Variants in MAP2K4 observed in about 807,000 individuals in gnomAD.
MAP2K4 encodes the protein dual specificity mitogen-activated protein kinase kinase 4.
Under a neutral mutation model 48.5 loss-of-function variants are expected in MAP2K4, and 4 were observed. That is an observed-to-expected ratio of 0.08 (90% CI 0.04 to 0.19). The LOEUF is 0.19. MAP2K4 is among the 10% of genes least tolerant of loss of function. The pLI is 1.00. For synonymous variants in MAP2K4, 166 were observed against 173.1 expected, an observed-to-expected ratio of 0.96 and a Z score of 0.32; for missense variants, 258 against 493.3, an observed-to-expected ratio of 0.52 and a Z score of 4.52.
rs1226887500 is a variant in MAP2K4, at chr17:12,142,721, G to C, written c.*1461G>C. The C allele has an allele frequency of 4.3e-6, 1 of 232,950 alleles. No individual in the cohort carries two copies. Among genetic ancestry groups the C allele is most frequent in the African/African-American group, 2.2e-5 (1 of 45,330 alleles). 14.4% of individuals were successfully genotyped at this position (232,950 alleles called of 1,614,324 possible). A position where few individuals can be genotyped will look rare whatever the true frequency, so the allele number is the denominator to read the frequency against. On this transcript the variant is annotated 3_prime_UTR_variant, in exon 11 of 11. Coordinates refer to ENST00000353533, the MANE Select transcript of MAP2K4 (RefSeq NM_003010.4). ...AAAGCAAAACAAAACCCTCAGCACTGTTACAAGAGGCCATTTAAGTATCTT... is the reference window on the plus strand; with the variant it reads ...AAAGCAAAACAAAACCCTCAGCACTCTTACAAGAGGCCATTTAAGTATCTT...
intron 1 of MAP2K4, among the ~76,000 whole-genome samples, chr17:12,029,915 C>G (rs919143824): frequency 4.1e-5 from 6 of 148,084 alleles, no homozygotes; most frequent in Non-Finnish European, 7.4e-5. Context: ...GACCCTGTCT[C>G]TAAAAAAAAA....
chr17:12,023,863 C>T (rs1969171517), intron 1 of MAP2K4, among the ~76,000 whole-genome samples: 1 of 152,174 alleles, frequency 6.6e-6, no homozygotes, highest in South Asian at 2.1e-4. Context: ...TAACGCTTAC[C>T]TCCCCGGTGG....
chr17:12,115,883 A>G (rs1431291319), intron 7 of MAP2K4: 3 of 636,332 alleles, frequency 4.7e-6, no homozygotes, highest in East Asian at 6.8e-5. Flanking sequence ...TGGACTGTGT[A>G]TTGGACCTCC....
chr17:12,060,750 C>T (rs79122396), intron 2 of MAP2K4, among the ~76,000 whole-genome samples: 25,442 of 151,236 alleles, frequency 0.17, 2,486 homozygotes, highest in South Asian at 0.3. Context: ...TGTGTGTGCG[C>T]GCGTGTGTGT....
chr17:12,061,028 C>CT (rs1323450235), intron 2 of MAP2K4, among the ~76,000 whole-genome samples: 12 of 152,082 alleles, frequency 7.9e-5, no homozygotes, highest in African/African-American at 2.9e-4. Flanking sequence ...CTCTATGAAT[C>CT]TAACTACTTT....
At chr17:12,048,608 A>T (rs1970037832) in intron 1 of MAP2K4, among the ~76,000 whole-genome samples, 1 of 152,088 alleles carries the variant, frequency 6.6e-6, no homozygotes, top group African/African-American at 2.4e-5. Context: ...GATATATGGA[A>T]TACCTGATAT....
chr17:12,092,843 G>A (rs897925525), intron 3 of MAP2K4, among the ~76,000 whole-genome samples: 2 of 152,106 alleles, frequency 1.3e-5, no homozygotes, highest in African/African-American at 4.8e-5. Flanking sequence ...TGGTTAACAC[G>A]GTGAAACCCC....
At chr17:12,035,286 G>A (rs889893237) in intron 1 of MAP2K4, among the ~76,000 whole-genome samples, 3 of 152,160 alleles carry the variant, frequency 2.0e-5, no homozygotes, top group African/African-American at 4.8e-5. Flanking sequence ...GGGAGGCCAC[G>A]GCGGGCAGAT....
At chr17:12,118,761 A>G (rs1229174769) in intron 7 of MAP2K4, among the ~76,000 whole-genome samples, 1 of 152,192 alleles carries the variant, frequency 6.6e-6, no homozygotes, top group Non-Finnish European at 1.5e-5. Flanking sequence ...GGTTTTCAGA[A>G]GGCGTTTAGC....
intron 3 of MAP2K4, among the ~76,000 whole-genome samples, chr17:12,091,382 A>T (rs1458368185): frequency 6.6e-6 from 1 of 152,114 alleles, no homozygotes; most frequent in Non-Finnish European, 1.5e-5. Context: ...TTGTGACGAG[A>T]TGGAGTAGAG....
intron 4 of MAP2K4, among the ~76,000 whole-genome samples, chr17:12,098,555 A>G (rs1971834424): frequency 6.6e-6 from 1 of 151,916 alleles, no homozygotes. Flanking sequence ...CAGATTGAAT[A>G]AGACTTTAAA....
chr17:12,055,023 C>G (rs1023056010), intron 2 of MAP2K4, 32 bp downstream of exon 2: 3 of 1,362,242 alleles, frequency 2.2e-6, no homozygotes, highest in African/African-American at 2.9e-5. Flanking sequence ...AGGCTCAACT[C>G]AAGCAAAGAT....
intron 2 of MAP2K4, among the ~76,000 whole-genome samples, chr17:12,066,712 C>T (rs147312528): frequency 0.014 from 2,079 of 151,852 alleles, 16 homozygotes; most frequent in East Asian, 0.046. Flanking sequence ...TTTTTTGAGA[C>T]GGAGTCTCGT....
At chr17:12,099,326 A>G (rs1374583646) in intron 4 of MAP2K4, among the ~76,000 whole-genome samples, 1 of 151,904 alleles carries the variant, frequency 6.6e-6, no homozygotes, top group Non-Finnish European at 1.5e-5. Context: ...TGACTTTGCT[A>G]TTATACATAG....
intron 5 of MAP2K4, among the ~76,000 whole-genome samples, chr17:12,108,899 T>G (rs1254545619): frequency 6.6e-6 from 1 of 152,028 alleles, no homozygotes. Flanking sequence ...TAGCGGGGTA[T>G]ATGAAATTTT....
rs182453642 is a variant in MAP2K4 at position 12,081,710 on chromosome 17, A to T, written c.393+180A>T. 8.0e-4 allele frequency among the ~76,000 whole-genome samples: 122 copies of T among 152,274 alleles called. No individual in the cohort carries two copies. The highest frequency in any genetic ancestry group is 6.8e-3 in the Middle Eastern group (2 of 294). ...GTTTCTTATTGGTGGCACATTTTCT[A>T]TCTCTTTGGAAACATGAGTGTATGA... On this transcript the variant is annotated intron_variant, in intron 3 of 10. Coordinates refer to ENST00000353533, the MANE Select transcript of MAP2K4 (RefSeq NM_003010.4). The surrounding 1 kb of genome is among the most constrained non-coding windows in gnomAD (Gnocchi z 4.2).
At chr17:12,066,366 T>G (rs1176879290) in intron 2 of MAP2K4, among the ~76,000 whole-genome samples, 1 of 152,198 alleles carries the variant, frequency 6.6e-6, no homozygotes, top group Non-Finnish European at 1.5e-5. Context: ...AAAAGCTTAT[T>G]ATATGTCAGA....
chr17:12,135,149 C>T (rs1404963890), intron 9 of MAP2K4, among the ~76,000 whole-genome samples: 2 of 152,192 alleles, frequency 1.3e-5, no homozygotes, highest in African/African-American at 2.4e-5. Context: ...AGTGCAATGG[C>T]ATGATCTCGG....
chr17:12,046,020 A>G (rs1331726324), intron 1 of MAP2K4, among the ~76,000 whole-genome samples: 1 of 152,204 alleles, frequency 6.6e-6, no homozygotes, highest in Non-Finnish European at 1.5e-5. Context: ...AACTCTCAGC[A>G]CATGTATAGC....
Sources: gnomAD v4.1 joint callset for allele counts (sites outside exome capture counted in the v4.1 genomes callset) on GRCh38, gnomAD v4.1.1 for gene constraint, Gnocchi (gnomAD v3.1) non-coding constraint, MANE v1.5 for transcripts, NCBI Gene and HGNC (gene_info 2026-07-23, HGNC 2026-07-21) for gene names.